The following B3GALT1 variants were observed in gnomAD, a reference collection of about 807,000 sequenced individuals.
B3GALT1 encodes beta-1,3-galactosyltransferase 1.
A neutral mutation model predicts 23.2 loss-of-function variants in B3GALT1; 10 were observed. The ratio of observed to expected loss-of-function variants is 0.43; its 90% CI spans 0.27 to 0.73. B3GALT1 has a LOEUF of 0.73. Among genes scored for constraint, B3GALT1 ranks in the 30% least tolerant of loss-of-function variants. The pLI, the probability that B3GALT1 is intolerant of heterozygous loss-of-function variation, is 0.21. For missense variants in B3GALT1, 299 were observed against 405.4 expected (o/e 0.74, Z 2.25); for synonymous variants, 156 against 141.5 (o/e 1.10, Z -0.73).
At position 167,706,475 on chromosome 2, in the gene B3GALT1, G is replaced by C. The variant is rs56826976; in HGVS notation, c.-352+59509G>C. 4.2e-3 allele frequency among the ~76,000 whole-genome samples: 645 copies of C among 152,296 alleles called. 1 individual carries two copies. The highest frequency in any genetic ancestry group is 0.013 in the African/African-American group (561 of 41,558). ...TGTCCTATTTGGGTATTCCTTATCA[G>C]AGGAAAACCAAAAGCAGAGAGACCA... On this transcript the variant is annotated intron_variant, in intron 3 of 4. Transcript: ENST00000392690.
chr2:167,717,578 TAATATTC>T (rs1156605160), intron 3 of B3GALT1, among the ~76,000 whole-genome samples: 46 of 152,310 alleles, frequency 3.0e-4, no homozygotes, highest in Admixed American at 1.2e-3. Flanking sequence ...GGTTGCAACA[TAATATTC>T]TACTTAACGT....
chr2:167,359,255 G>A (rs1268313472), intron 1 of B3GALT1, among the ~76,000 whole-genome samples: 1 of 151,984 alleles, frequency 6.6e-6, no homozygotes, highest in African/African-American at 2.4e-5. Flanking sequence ...TGCACACTAG[G>A]TCTGCATAAC....
intron 3 of B3GALT1, among the ~76,000 whole-genome samples, chr2:167,699,378 C>CTTTTTTTTTT (rs1285786645): frequency 8.9e-5 from 7 of 78,672 alleles, no homozygotes; most frequent in Admixed American, 1.5e-4. Context: ...GCCATTATTT[C>CTTTTTTTTTT]TATTTTTTTT....
chr2:167,306,787 C>A (rs1223420406), intron 1 of B3GALT1, among the ~76,000 whole-genome samples: 1 of 151,964 alleles, frequency 6.6e-6, no homozygotes, highest in African/African-American at 2.4e-5. Flanking sequence ...TGAACATTCT[C>A]AGCTAGCTTC....
At chr2:167,778,794 A>G (rs1490376987) in intron 3 of B3GALT1, among the ~76,000 whole-genome samples, 1 of 152,202 alleles carries the variant, frequency 6.6e-6, no homozygotes, top group African/African-American at 2.4e-5. Context: ...TTGACATGAA[A>G]TCCTCTGGGA....
chr2:167,768,311 C>A (rs1339629292), intron 3 of B3GALT1, among the ~76,000 whole-genome samples: 3 of 152,202 alleles, frequency 2.0e-5, no homozygotes, highest in African/African-American at 7.2e-5. Flanking sequence ...TGCTTCCCAA[C>A]AACAAAAATT....
intron 3 of B3GALT1, among the ~76,000 whole-genome samples, chr2:167,708,736 G>T (rs979774636): frequency 6.6e-6 from 1 of 152,120 alleles, no homozygotes; most frequent in East Asian, 1.9e-4. Flanking sequence ...TCTAGCTCCA[G>T]CCCCAGGCTC....
rs1574235016 is a variant in B3GALT1, at chr2:167,730,943, G to T, written c.-352+83977G>T. Among the ~76,000 whole-genome samples the T allele has an allele frequency of 5.3e-5, 8 of 152,238 alleles. No individual in the cohort carries two copies. The East Asian group carries it at 1.5e-3, about 29-fold the overall frequency. On this transcript the variant is annotated intron_variant, in intron 3 of 4. Transcript: ENST00000392690. ...CAAATACTATCTCAGTTAATTCAAA[G>T]AATAAACCTATGAAGAAAGTACTAG... is the stretch of plus-strand genomic sequence containing the variant.
chr2:167,460,721 C>G (rs919650733), intron 1 of B3GALT1, among the ~76,000 whole-genome samples: 12 of 151,862 alleles, frequency 7.9e-5, no homozygotes, highest in African/African-American at 2.9e-4. Flanking sequence ...TGTGGTACCT[C>G]TATAAATTGA....
chr2:167,746,105 A>G (rs949993998), intron 3 of B3GALT1, among the ~76,000 whole-genome samples: 1 of 151,238 alleles, frequency 6.6e-6, no homozygotes, highest in Non-Finnish European at 1.5e-5. Context: ...AAGTCATTTC[A>G]AAGGTAAAGG....
chr2:167,342,830 A>C (rs1559070414), intron 1 of B3GALT1, among the ~76,000 whole-genome samples: 1 of 152,144 alleles, frequency 6.6e-6, no homozygotes, highest in Non-Finnish European at 1.5e-5. Context: ...TTCTGTGGCC[A>C]TTATCACAGT....
intron 1 of B3GALT1, among the ~76,000 whole-genome samples, chr2:167,383,120 A>G (rs961979966): frequency 3.3e-5 from 5 of 151,876 alleles, no homozygotes; most frequent in Non-Finnish European, 7.4e-5. Context: ...TCCCATAAAT[A>G]TATTTAATTT....
intron 3 of B3GALT1, among the ~76,000 whole-genome samples, chr2:167,725,274 A>T (rs1372564601): frequency 3.3e-5 from 5 of 152,162 alleles, no homozygotes; most frequent in African/African-American, 1.2e-4. Flanking sequence ...AGAAGCACTG[A>T]CTGGCTTCTA....
chr2:167,351,895 C>G (rs1697313891), intron 1 of B3GALT1, among the ~76,000 whole-genome samples: 1 of 151,764 alleles, frequency 6.6e-6, no homozygotes, highest in South Asian at 2.1e-4. Flanking sequence ...GAATTAATAG[C>G]AGTGACTACA....
chr2:167,826,738 A>G (rs530431798), intron 4 of B3GALT1, among the ~76,000 whole-genome samples: 59 of 152,344 alleles, frequency 3.9e-4, no homozygotes, highest in African/African-American at 1.4e-3. Flanking sequence ...TTTGTAAAAG[A>G]GAAACAATAA....
intron 3 of B3GALT1, among the ~76,000 whole-genome samples, chr2:167,814,587 C>G (rs932809218): frequency 1.3e-5 from 2 of 152,010 alleles, no homozygotes; most frequent in Non-Finnish European, 2.9e-5. Flanking sequence ...CAGTGAAATC[C>G]CGTCTCTACT....
intron 3 of B3GALT1, among the ~76,000 whole-genome samples, chr2:167,736,930 C>T (rs1426426112): frequency 1.3e-5 from 2 of 150,434 alleles, no homozygotes; most frequent in Non-Finnish European, 3.0e-5. Flanking sequence ...AGACTCTGTC[C>T]CCCCCTTCCC....
At chr2:167,478,912 A>G (rs1271664969) in intron 1 of B3GALT1, among the ~76,000 whole-genome samples, 1 of 152,128 alleles carries the variant, frequency 6.6e-6, no homozygotes, top group East Asian at 1.9e-4. Flanking sequence ...ACAACTTTTC[A>G]GATATAAGCT....
At chr2:167,844,953 A>C (rs1054954343) in intron 4 of B3GALT1, among the ~76,000 whole-genome samples, 1 of 152,080 alleles carries the variant, frequency 6.6e-6, no homozygotes, top group Non-Finnish European at 1.5e-5. Context: ...GAGCTGGGCA[A>C]AGCCTGTGAC....
Sources: gnomAD v4.1 joint callset for allele counts (sites outside exome capture counted in the v4.1 genomes callset) on GRCh38, gnomAD v4.1.1 for gene constraint, MANE v1.5 for transcripts, NCBI Gene and HGNC (gene_info 2026-07-23, HGNC 2026-07-21) for gene names.